Variants in PCDHGA4 observed in about 807,000 individuals in gnomAD.
The protein encoded by PCDHGA4 is protocadherin gamma-A4.
PCDHGA4 carries 38 observed loss-of-function variants against 54.6 expected under a neutral mutation model. That is an observed-to-expected ratio of 0.70 (90% CI 0.54 to 0.91). The LOEUF (loss-of-function observed/expected upper bound fraction) is 0.91. PCDHGA4 is among the 40% of genes least tolerant of loss of function. PCDHGA4 has a pLI of 0.00. For missense variants in PCDHGA4, 1,298 were observed against 1,220.9 expected (o/e 1.06, Z -0.94); for synonymous variants, 511 against 512.9 (o/e 1.00, Z 0.05).
chr5:141,408,510 A>G (rs1298660421), intron 1 of PCDHGA4: 21 of 1,613,870 alleles, frequency 1.3e-5, no homozygotes, highest in Non-Finnish European at 1.8e-5. Context: ...AGAAGATGTG[A>G]GTTGCAATTG....
chr5:141,423,501 C>G, intron 1 of PCDHGA4: 1 of 1,613,990 alleles, frequency 6.2e-7, no homozygotes, highest in African/African-American at 1.3e-5. Flanking sequence ...CCCACGAGGT[C>G]TCTCTCATTG....
At chr5:141,398,255 A>T (rs1244403375) in intron 1 of PCDHGA4, 1 of 1,457,928 alleles carries the variant, frequency 6.9e-7, no homozygotes, top group African/African-American at 1.4e-5. Context: ...GAAATGCCCA[A>T]GGGCTCCGTA....
chr5:141,463,874 G>T (rs1311566242), intron 1 of PCDHGA4, among the ~76,000 whole-genome samples: 1 of 152,136 alleles, frequency 6.6e-6, no homozygotes, highest in Non-Finnish European at 1.5e-5. Flanking sequence ...TGACTGAAAG[G>T]AAAAGTTTTC....
intron 1 of PCDHGA4, among the ~76,000 whole-genome samples, chr5:141,455,410 G>A (rs1332059386): frequency 6.6e-6 from 1 of 152,130 alleles, no homozygotes; most frequent in Non-Finnish European, 1.5e-5. Context: ...CAGAGACAGA[G>A]GGAGCGGGGC....
At position 141,372,722 on chromosome 5, in the gene PCDHGA4, A is replaced by T. The variant is rs551482869; in HGVS notation, c.2514+15101A>T. 13 of 1,613,812 alleles carry T rather than the reference A, an allele frequency of 8.1e-6. No individual in the cohort carries two copies. The Admixed American group carries it at 2.2e-4, about 27-fold the overall frequency. The stretch of plus-strand genomic sequence containing the variant: ...TCAATATAAAGGCTGAAAATGCTGC[A>T]CCACAAGATCTTCTATGTGATGAAG... On this transcript the variant is annotated intron_variant, in intron 1 of 3. Coordinates refer to ENST00000571252, the MANE Select transcript of PCDHGA4 (RefSeq NM_018917.4).
At chr5:141,419,722 G>A (rs1194093167) in intron 1 of PCDHGA4, 2 of 1,613,306 alleles carry the variant, frequency 1.2e-6, no homozygotes, top group Admixed American at 1.7e-5. Context: ...GCCTGGGGCT[G>A]CGAACAGGCG....
At position 141,360,351 on chromosome 5, in the gene PCDHGA4, G is replaced by C. The variant is rs188525608; in HGVS notation, c.2514+2730G>C. The stretch of plus-strand genomic sequence containing the variant: ...GGAAGCTGCGGGTTAGCGCGGAGAA[G>C]GAATATTTCACAGTAAACCCAGAAA... On this transcript the variant is annotated intron_variant, in intron 1 of 3. Coordinates refer to ENST00000571252, the MANE Select transcript of PCDHGA4 (RefSeq NM_018917.4). The C allele has an allele frequency of 6.2e-7, 1 of 1,613,758 alleles. No homozygotes were observed.
chr5:141,420,905 T>TA (rs545324172), intron 1 of PCDHGA4: 3 of 299,970 alleles, frequency 1.0e-5, no homozygotes, highest in Non-Finnish European at 1.9e-5. Flanking sequence ...GCTCTACAAA[T>TA]ACGTGTGATT....
Position 141,408,177 on chromosome 5 carries a change from G to A in PCDHGA4, c.2514+50556G>A, listed in dbSNP as rs1359754385. 7.2e-6 allele frequency: 11 copies of A among 1,534,346 alleles called. 1 individual carries two copies. In the South Asian group the frequency reaches 1.3e-4, roughly 19 times the overall value. ...GCACTTTCTCCAACTGGAAAAGCGGGGACCCAGCGAGAACCCGAGCGAACG... is the reference window on the plus strand; with the variant it reads ...GCACTTTCTCCAACTGGAAAAGCGGAGACCCAGCGAGAACCCGAGCGAACG... On this transcript the variant is annotated intron_variant, in intron 1 of 3. Transcript: ENST00000571252.
intron 1 of PCDHGA4, 177 bp from the exon 2 acceptor site, chr5:141,494,630 C>T (rs991482599): frequency 5.8e-6 from 5 of 866,562 alleles, no homozygotes; most frequent in Non-Finnish European, 6.9e-6. Flanking sequence ...GTACCTCAGA[C>T]CTCTGAGACC....
chr5:141,374,125 C>A, intron 1 of PCDHGA4: 1 of 1,602,448 alleles, frequency 6.2e-7, no homozygotes, highest in East Asian at 2.2e-5. Flanking sequence ...GCGAGCAGGT[C>A]CTGCTCCTCA....
intron 1 of PCDHGA4, chr5:141,399,668 G>A (rs756009874): frequency 1.7e-5 from 28 of 1,613,644 alleles, no homozygotes; most frequent in Non-Finnish European, 8.5e-7. Flanking sequence ...TTCGCGCAGC[G>A]CGCCTTTGAC....
At chr5:141,371,623 T>C in intron 1 of PCDHGA4, 1 of 1,614,008 alleles carries the variant, frequency 6.2e-7, no homozygotes, top group African/African-American at 1.3e-5. Flanking sequence ...GATGGAGCCC[T>C]GGACCGGGAG....
At chr5:141,387,089 G>A (rs1034064461) in intron 1 of PCDHGA4, among the ~76,000 whole-genome samples, 1 of 152,162 alleles carries the variant, frequency 6.6e-6, no homozygotes, top group Non-Finnish European at 1.5e-5. Flanking sequence ...TGTGATCATC[G>A]AAATGAGAAT....
In PCDHGA4 at chr5:141,463,735, C is replaced by T. The variant is rs1411988885; in HGVS notation, c.2515-31072C>T. On this transcript the variant is annotated intron_variant, in intron 1 of 3. Coordinates refer to ENST00000571252, the MANE Select transcript of PCDHGA4 (RefSeq NM_018917.4). ...TGCTGGGATTACAGGCATGAGCCAC[C>T]GCGCCCGGCCTGCTTCTCTTCTCTT... 3.3e-5 allele frequency among the ~76,000 whole-genome samples: 5 copies of T among 152,100 alleles called. No individual in the cohort carries two copies. The East Asian group carries it at 7.8e-4, about 24-fold the overall frequency.
chr5:141,366,387 A>G, intron 1 of PCDHGA4: 1 of 1,614,088 alleles, frequency 6.2e-7, no homozygotes, highest in East Asian at 2.2e-5. Context: ...GACCCTGAGG[A>G]TCTGGACCTC....
chr5:141,482,981 AGG>A (rs2099575420), intron 1 of PCDHGA4, among the ~76,000 whole-genome samples: 1 of 150,250 alleles, frequency 6.7e-6, no homozygotes, highest in African/African-American at 2.5e-5. Context: ...GCTACTTGAG[AGG>A]TCGAGGCAGG....
At chr5:141,398,977 A>G (rs761532339) in intron 1 of PCDHGA4, 2 of 1,613,952 alleles carry the variant, frequency 1.2e-6, no homozygotes, top group Non-Finnish European at 1.7e-6. Context: ...CTTCTACAGA[A>G]CCGGGCAAAT....
Position 141,375,230 on chromosome 5 carries a change from A to G in PCDHGA4, c.2514+17609A>G. ...AGACTCTGGCCTGAATGGCCTGGTA[A>G]CCTGTTCCATCCCGAGAAGTCTCCC... On this transcript the variant is annotated intron_variant, in intron 1 of 3. Coordinates refer to ENST00000571252, the MANE Select transcript of PCDHGA4 (RefSeq NM_018917.4). 2 of 1,613,988 alleles carry G rather than the reference A, an allele frequency of 1.2e-6. No individual in the cohort carries two copies. The highest frequency in any genetic ancestry group is 8.5e-7 in the Non-Finnish European group (1 of 1,179,900).
Sources: gnomAD v4.1 joint callset for allele counts (sites outside exome capture counted in the v4.1 genomes callset) on GRCh38, gnomAD v4.1.1 for gene constraint, MANE v1.5 for transcripts, NCBI Gene and HGNC (gene_info 2026-07-23, HGNC 2026-07-21) for gene names.